Variants in SLC24A2 observed in about 807,000 individuals in gnomAD.
SLC24A2 encodes sodium/potassium/calcium exchanger 2.
Under a neutral mutation model 62.0 loss-of-function variants are expected in SLC24A2, and 36 were observed. That is an observed-to-expected ratio of 0.58 (90% CI 0.44 to 0.77). The LOEUF (loss-of-function observed/expected upper bound fraction) is 0.77. Among genes scored for constraint, SLC24A2 ranks in the 30% least tolerant of loss-of-function variants. The probability of loss-of-function intolerance (pLI) is 0.00; values close to 1 mark genes in which losing one functional copy is unlikely to be tolerated. For missense variants in SLC24A2, 846 were observed against 817.9 expected (o/e 1.03, Z -0.42); for synonymous variants, 358 against 294.0 (o/e 1.22, Z -2.23).
At chr9:20,080,564 TGGGCA>T in the SLC24A2 span, among the ~76,000 whole-genome samples, 1 of 152,138 alleles carries the variant, frequency 6.6e-6, no homozygotes, top group Admixed American at 6.5e-5. Context: ...GACATAGGCA[TGGGCA>T]AGGACTTCTT....
the SLC24A2 span, among the ~76,000 whole-genome samples, chr9:20,245,017 AC>A: frequency 1.3e-5 from 2 of 152,216 alleles, no homozygotes; most frequent in African/African-American, 4.8e-5. Context: ...ATCCTAAGTC[AC>A]GTATTCCTGT....
the SLC24A2 span, among the ~76,000 whole-genome samples, chr9:19,798,205 A>G: frequency 6.6e-6 from 1 of 152,134 alleles, no homozygotes; most frequent in African/African-American, 2.4e-5. Context: ...TTAATGCTTC[A>G]TCATTTTCTT....
the SLC24A2 span, among the ~76,000 whole-genome samples, chr9:20,016,393 A>G: frequency 6.6e-6 from 1 of 152,220 alleles, no homozygotes; most frequent in Non-Finnish European, 1.5e-5. Flanking sequence ...AAACTTATTT[A>G]AAAGTTTGTG....
chr9:20,145,022 C>T, the SLC24A2 span, among the ~76,000 whole-genome samples: 1 of 151,966 alleles, frequency 6.6e-6, no homozygotes. Flanking sequence ...CCTGATAATC[C>T]ACCGAGCAGC....
At chr9:19,751,540 C>T (rs935287148) in intron 2 of SLC24A2, among the ~76,000 whole-genome samples, 2 of 152,082 alleles carry the variant, frequency 1.3e-5, no homozygotes, top group African/African-American at 4.8e-5. Flanking sequence ...GCCTTGAGAA[C>T]CACTGATCTC....
At chr9:20,171,037 A>G in the SLC24A2 span, among the ~76,000 whole-genome samples, 1 of 152,080 alleles carries the variant, frequency 6.6e-6, no homozygotes, top group African/African-American at 2.4e-5. Context: ...AAACCCTACA[A>G]ACTAGAAGGG....
chr9:19,742,575 A>C (rs747412317), intron 2 of SLC24A2, among the ~76,000 whole-genome samples: 3 of 152,084 alleles, frequency 2.0e-5, no homozygotes, highest in African/African-American at 4.8e-5. Context: ...TTTTTTTTTA[A>C]GTATAGGAAG....
chr9:19,814,828 G>A, the SLC24A2 span, among the ~76,000 whole-genome samples: 1 of 152,120 alleles, frequency 6.6e-6, no homozygotes, highest in South Asian at 2.1e-4. Flanking sequence ...ATCCTGTTTA[G>A]AAAAGAATCT....
the SLC24A2 span, among the ~76,000 whole-genome samples, chr9:19,980,312 C>G: frequency 6.6e-6 from 1 of 152,166 alleles, no homozygotes; most frequent in African/African-American, 2.4e-5. Flanking sequence ...TGGATCCACA[C>G]TTGAAGAAGC....
At chr9:19,567,180 A>C (rs1835688996) in intron 7 of SLC24A2, among the ~76,000 whole-genome samples, 1 of 151,256 alleles carries the variant, frequency 6.6e-6, no homozygotes, top group Non-Finnish European at 1.5e-5. Flanking sequence ...TCTGGAAAAA[A>C]AAAAAAGAAA....
chr9:19,862,878 T>C, the SLC24A2 span, among the ~76,000 whole-genome samples: 1 of 149,870 alleles, frequency 6.7e-6, no homozygotes, highest in Admixed American at 6.6e-5. Flanking sequence ...TTAAATCACA[T>C]CTCCAGAGAA....
chr9:19,633,874 TC>T (rs1384298662), intron 2 of SLC24A2, among the ~76,000 whole-genome samples: 4 of 152,194 alleles, frequency 2.6e-5, no homozygotes, highest in Non-Finnish European at 5.9e-5. Context: ...GCAAATATTT[TC>T]CCCCTGTCTT....
At chr9:19,772,990 T>C (rs1364727514) in intron 2 of SLC24A2, among the ~76,000 whole-genome samples, 1 of 152,194 alleles carries the variant, frequency 6.6e-6, no homozygotes, top group Admixed American at 6.5e-5. Flanking sequence ...AGTGCAATAT[T>C]ATTTGGACAT....
At chr9:19,658,755 G>A (rs999400173) in intron 2 of SLC24A2, among the ~76,000 whole-genome samples, 3 of 152,196 alleles carry the variant, frequency 2.0e-5, no homozygotes, top group South Asian at 2.1e-4. Context: ...GGAGACCAGA[G>A]GTTGGGAGGA....
At chr9:20,244,954 A>G in the SLC24A2 span, among the ~76,000 whole-genome samples, 17 of 152,374 alleles carry the variant, frequency 1.1e-4, no homozygotes, top group South Asian at 2.5e-3. Context: ...AATAATGTAC[A>G]TAAACCTTTC....
chr9:19,683,427 G>A (rs566250953), intron 2 of SLC24A2, among the ~76,000 whole-genome samples: 1 of 152,206 alleles, frequency 6.6e-6, no homozygotes, highest in African/African-American at 2.4e-5. Flanking sequence ...TTATGGAAAT[G>A]GAAGAGTCCA....
the SLC24A2 span, among the ~76,000 whole-genome samples, chr9:19,992,759 A>C: frequency 6.6e-6 from 1 of 152,208 alleles, no homozygotes; most frequent in Admixed American, 6.5e-5. Flanking sequence ...ATATGCTCCC[A>C]GCTGCACAAG....
the SLC24A2 span, among the ~76,000 whole-genome samples, chr9:20,035,362 T>A: frequency 6.6e-6 from 1 of 152,212 alleles, no homozygotes; most frequent in East Asian, 1.9e-4. Context: ...TTAATCATTT[T>A]GAACTGTTGG....
At chr9:20,200,497 T>G in the SLC24A2 span, among the ~76,000 whole-genome samples, 2 of 152,348 alleles carry the variant, frequency 1.3e-5, no homozygotes, top group South Asian at 4.1e-4. Flanking sequence ...CTCAACTGCC[T>G]TGGATCACTC....
Sources: gnomAD v4.1 joint callset for allele counts (sites outside exome capture counted in the v4.1 genomes callset) on GRCh38, gnomAD v4.1.1 for gene constraint, MANE v1.5 for transcripts, NCBI Gene and HGNC (gene_info 2026-07-23, HGNC 2026-07-21) for gene names.